Variants in MATR3 observed in about 807,000 individuals in gnomAD.
MATR3 encodes matrin-3.
In MATR3, 4 loss-of-function variants were observed where a neutral mutation model predicts 85.5. The ratio of observed to expected loss-of-function variants is 0.05; its 90% CI spans 0.02 to 0.11. MATR3 has a LOEUF of 0.11. MATR3 is among the 10% of genes least tolerant of loss of function. The pLI, the probability that MATR3 is intolerant of heterozygous loss-of-function variation, is 1.00. For missense variants in MATR3, 685 were observed against 1,016.1 expected (o/e 0.67, Z 4.43); for synonymous variants, 336 against 343.1 (o/e 0.98, Z 0.23).
chr5:139,326,780 T>C (rs1755874109), intron 14 of MATR3, among the ~76,000 whole-genome samples: 2 of 152,202 alleles, frequency 1.3e-5, no homozygotes, highest in African/African-American at 4.8e-5. Flanking sequence ...TTGTCATAGT[T>C]TACCCTTGCT....
intron 2 of MATR3, chr5:139,278,401 G>A: frequency 2.2e-6 from 1 of 453,096 alleles, no homozygotes; most frequent in South Asian, 1.6e-5. Flanking sequence ...TGCATGTGCA[G>A]TTTTCAGGTA....
chr5:139,280,485 C>T (rs757271075), intron 3 of MATR3: 1 of 152,182 alleles, frequency 6.6e-6, no homozygotes, highest in Non-Finnish European at 1.5e-5. Context: ...AAGGTGACTG[C>T]AAGAAATTAA....
chr5:139,327,218 AT>A (rs1755896683), intron 14 of MATR3, among the ~76,000 whole-genome samples: 1 of 152,002 alleles, frequency 6.6e-6, no homozygotes, highest in African/African-American at 2.4e-5. Flanking sequence ...TTACTCAGTC[AT>A]TAGATATGTT....
chr5:139,298,888 T>A (rs370344252), intron 1 of MATR3, among the ~76,000 whole-genome samples: 45 of 152,322 alleles, frequency 3.0e-4, no homozygotes, highest in African/African-American at 1.1e-3. Context: ...AAAGTACATG[T>A]GCATACATAA....
In MATR3 at chr5:139,322,713, G is replaced by A. The variant is rs764454434; in HGVS notation, c.1894G>A (p.Gly632Ser). 5.0e-6 allele frequency: 8 copies of A among 1,614,086 alleles called. No individual in the cohort carries two copies. The highest frequency in any genetic ancestry group is 4.4e-5 in the South Asian group (4 of 91,080). The change falls in exon 12 of 15, where the codon GGT becomes AGT. Residue 632 changes from glycine (G) to serine (S), a missense_variant. Physicochemically the swap from Gly to Ser is moderately conservative, Grantham distance 56. Coordinates refer to ENST00000394805, the MANE Select transcript of MATR3 (RefSeq NM_018834.6). ...AGGTAAAGAACAAGAAGAGAAGTCC[G>A]GTGAAGATGGTGAGAAAGACACAAA... The part of the protein sequence containing the change: ...TEGKEQEEKS[G>S]EDGEKDTKDD...
At chr5:139,282,836 T>C (rs932021308) in intron 3 of MATR3, 3 of 152,352 alleles carry the variant, frequency 2.0e-5, no homozygotes, top group African/African-American at 7.2e-5. Flanking sequence ...GTTTTTTTGT[T>C]TGTTTGTTTT....
chr5:139,322,145 A>G (rs2152007808), intron 10 of MATR3, 116 bp downstream of exon 10: 3 of 1,271,870 alleles, frequency 2.4e-6, no homozygotes, highest in Middle Eastern at 1.9e-4. Context: ...AACCTATTGA[A>G]ATAAGTTATT....
At chr5:139,314,995 A>G (rs964758130) in intron 3 of MATR3, 1 of 417,960 alleles carries the variant, frequency 2.4e-6, no homozygotes, top group African/African-American at 2.0e-5. Context: ...GGTGATTTTT[A>G]CTAGACATAG....
chr5:139,277,761 CT>C (rs35759733), intron 2 of MATR3, among the ~76,000 whole-genome samples: 19,481 of 127,896 alleles, frequency 0.15, 4,165 homozygotes, highest in African/African-American at 0.49. Context: ...GTCTGCTCGT[CT>C]TTTTTTTTTT....
intron 9 of MATR3, among the ~76,000 whole-genome samples, chr5:139,319,860 C>CTTTTTT (rs58123057): frequency 1.6e-3 from 70 of 44,158 alleles, no homozygotes; most frequent in African/African-American, 5.2e-3. Context: ...AAAAAATTTG[C>CTTTTTT]TTTTTTTTTT....
intron 1 of MATR3, among the ~76,000 whole-genome samples, chr5:139,305,871 CT>C (rs993173142): frequency 4.6e-5 from 7 of 152,094 alleles, no homozygotes; most frequent in African/African-American, 1.4e-4. Flanking sequence ...TTGCCTGCAA[CT>C]TTTTTTATAC....
chr5:139,315,692 T>A lies in MATR3; in HGVS notation c.975-5T>A. 1 of 1,607,704 alleles carries A rather than the reference T, an allele frequency of 6.2e-7. No homozygotes were observed. The highest frequency in any genetic ancestry group is 1.1e-5 in the South Asian group (1 of 90,864). ...TTTAAAGTTAATTTTCTGGTCTTTTTAAAGCTACCCAGAATGGAATCCTGA... is the reference window on the plus strand; with the variant it reads ...TTTAAAGTTAATTTTCTGGTCTTTTAAAAGCTACCCAGAATGGAATCCTGA... On this transcript the variant is annotated splice_region_variant and splice_polypyrimidine_tract_variant and intron_variant, in intron 3 of 14. Transcript: ENST00000394805.
At chr5:139,322,997 T>C in intron 12 of MATR3, 30 bp downstream of exon 12, 1 of 1,557,014 alleles carries the variant, frequency 6.4e-7, no homozygotes, top group Non-Finnish European at 8.8e-7. Context: ...TTTGTTTTAA[T>C]AGAACATTAG....
intron 14 of MATR3, 47 bp downstream of exon 14, chr5:139,326,331 A>G (rs774351261): frequency 6.3e-7 from 1 of 1,598,656 alleles, no homozygotes. Context: ...TTAACAAGTT[A>G]TGGAAATAAG....
rs373342411 is a variant in MATR3, at chr5:139,320,251, A to G, written c.1602+750A>G. On this transcript the variant is annotated intron_variant, in intron 9 of 14. Coordinates refer to ENST00000394805, the MANE Select transcript of MATR3 (RefSeq NM_018834.6). ...ATGAACCCGGGAGGCGGAGCTTGCA[A>G]TGACTCGAGATTGTGCCACTGCACC... is the stretch of plus-strand genomic sequence containing the variant. Among the ~76,000 whole-genome samples, 26 of 151,838 alleles carry G rather than the reference A, an allele frequency of 1.7e-4. No homozygotes were observed. The East Asian group carries it at 2.5e-3, about 15-fold the overall frequency.
intron 3 of MATR3, chr5:139,283,424 A>T (rs1409958427): frequency 6.6e-6 from 1 of 152,306 alleles, no homozygotes; most frequent in Non-Finnish European, 1.5e-5. Flanking sequence ...AAGGGGGCAG[A>T]ACAGACAAGT....
At position 139,317,113 on chromosome 5, in the gene MATR3, A is replaced by G; in HGVS notation, c.1182+8A>G. On this transcript the variant is annotated splice_region_variant and intron_variant, in intron 6 of 14. Coordinates refer to ENST00000394805, the MANE Select transcript of MATR3 (RefSeq NM_018834.6). ...ATGCAGAAAGGCAGAGTGGTCAGTA[A>G]TGAAGCTTTTGGTTTTACTGTATTT... The G allele has an allele frequency of 4.4e-6, 7 of 1,588,212 alleles. No individual in the cohort carries two copies. Among genetic ancestry groups the G allele is most frequent in the Non-Finnish European group, 5.2e-6 (6 of 1,158,358 alleles).
At chr5:139,305,625 G>T (rs1239688676) in intron 1 of MATR3, among the ~76,000 whole-genome samples, 1 of 152,136 alleles carries the variant, frequency 6.6e-6, no homozygotes, top group African/African-American at 2.4e-5. Context: ...ACATATCAAA[G>T]AAACTTTCAT....
At chr5:139,281,344 GTTTT>G (rs1276759606) in intron 3 of MATR3, among the ~76,000 whole-genome samples, 14 of 120,170 alleles carry the variant, frequency 1.2e-4, no homozygotes, top group Non-Finnish European at 1.9e-4. Flanking sequence ...CCTCGAAGTA[GTTTT>G]TTTTTTTGTT....
Sources: allele counts gnomAD v4.1 joint callset (sites outside exome capture counted in the v4.1 genomes callset), GRCh38; gene constraint gnomAD v4.1.1; transcripts MANE v1.5; gene names NCBI Gene and HGNC (gene_info 2026-07-23, HGNC 2026-07-21).